Variants in ESRRB observed in about 807,000 individuals in gnomAD.
ESRRB encodes steroid hormone receptor ERR2.
Under a neutral mutation model 46.0 loss-of-function variants are expected in ESRRB, and 16 were observed. That is an observed-to-expected ratio of 0.35 (90% CI 0.24 to 0.53). ESRRB has a LOEUF of 0.53. Among genes scored for constraint, ESRRB ranks in the 20% least tolerant of loss-of-function variants. The pLI, the probability that ESRRB is intolerant of heterozygous loss-of-function variation, is 0.93. For missense variants in ESRRB, 488 were observed against 607.4 expected (o/e 0.80, Z 2.07); for synonymous variants, 246 against 259.6 (o/e 0.95, Z 0.50).
At chr14:76,340,229 G>T (rs762091134) in intron 1 of ESRRB, among the ~76,000 whole-genome samples, 1 of 152,206 alleles carries the variant, frequency 6.6e-6, no homozygotes, top group Non-Finnish European at 1.5e-5. Context: ...TGGGGATATG[G>T]CCTCAGATAA....
At chr14:76,462,483 C>A (rs764094068) in intron 2 of ESRRB, 62 bp from the exon 3 acceptor site, 1 of 1,260,732 alleles carries the variant, frequency 7.9e-7, no homozygotes. Flanking sequence ...GCCAGCCCTG[C>A]GCTGGCAGGT....
At chr14:76,399,973 C>A (rs185875838) in intron 1 of ESRRB, among the ~76,000 whole-genome samples, 2 of 152,156 alleles carry the variant, frequency 1.3e-5, no homozygotes, top group Non-Finnish European at 2.9e-5. Context: ...CTGATCCATG[C>A]GGAATAAATA....
chr14:76,441,728 G>A (rs1267212252), intron 2 of ESRRB, among the ~76,000 whole-genome samples: 2 of 152,216 alleles, frequency 1.3e-5, no homozygotes, highest in Non-Finnish European at 2.9e-5. Context: ...AGGTGCTGGT[G>A]ATAGGATAGA....
intron 1 of ESRRB, among the ~76,000 whole-genome samples, chr14:76,349,112 G>T (rs8015426): frequency 6.6e-6 from 1 of 152,074 alleles, no homozygotes; most frequent in African/African-American, 2.4e-5. Flanking sequence ...TGTGACCAGG[G>T]GGGTCACAGA....
chr14:76,452,626 A>AAAAAC (rs1555399040), intron 2 of ESRRB, among the ~76,000 whole-genome samples: 17 of 124,248 alleles, frequency 1.4e-4, no homozygotes, highest in South Asian at 4.5e-4. Context: ...TCTCCAAAAA[A>AAAAAC]AAAAACAAAA....
chr14:76,395,178 A>C (rs1885624166), intron 1 of ESRRB, among the ~76,000 whole-genome samples: 1 of 152,174 alleles, frequency 6.6e-6, no homozygotes, highest in Admixed American at 6.5e-5. Context: ...CATGTGCACT[A>C]TCTGGCTCAT....
intron 5 of ESRRB, among the ~76,000 whole-genome samples, chr14:76,484,733 G>C (rs186525015): frequency 6.6e-6 from 1 of 152,224 alleles, no homozygotes. Flanking sequence ...AACCAAGAGG[G>C]CATGGCTAGA....
At chr14:76,438,340 G>A (rs1411905285) in intron 1 of ESRRB, among the ~76,000 whole-genome samples, 1 of 152,160 alleles carries the variant, frequency 6.6e-6, no homozygotes, top group East Asian at 1.9e-4. Context: ...TAGTCTCTGG[G>A]CCAAAGCTGT....
rs1479310656 is a variant in ESRRB at position 76,482,550 on chromosome 14, C to T, written c.689-48C>T. On this transcript the variant is annotated intron_variant, in intron 4 of 6. Transcript: ENST00000644823. This position sits in a 1 kb window ranked among gnomAD's most constrained non-coding sequence, Gnocchi z 4.3. Reference sequence around the variant, plus strand: ...ACCCATCTGAGCCTCCACCCCGGCCCCTTTCCTCTTTTCCCAGCATTTACC... The same window carrying T: ...ACCCATCTGAGCCTCCACCCCGGCCTCTTTCCTCTTTTCCCAGCATTTACC... 4.0e-5 allele frequency: 65 copies of T among 1,611,256 alleles called. No homozygotes were observed. The highest frequency in any genetic ancestry group is 5.4e-5 in the Non-Finnish European group (64 of 1,177,670).
At chr14:76,333,098 A>T (rs1489559557) in intron 1 of ESRRB, among the ~76,000 whole-genome samples, 1 of 10,012 alleles carries the variant, frequency 1.0e-4, no homozygotes, top group Non-Finnish European at 1.7e-4. Flanking sequence ...ATTATATATT[A>T]TATATAATAT....
At chr14:76,363,565 G>T (rs576398618) in intron 1 of ESRRB, among the ~76,000 whole-genome samples, 1 of 152,102 alleles carries the variant, frequency 6.6e-6, no homozygotes, top group South Asian at 2.1e-4. Flanking sequence ...TCCATTCAGC[G>T]CTGAGAGCAC....
chr14:76,471,873 A>AT (rs1438440318), intron 3 of ESRRB, among the ~76,000 whole-genome samples: 2 of 152,230 alleles, frequency 1.3e-5, no homozygotes, highest in South Asian at 2.1e-4. Flanking sequence ...GGAGTGCATG[A>AT]TTGAAAGGCT....
intron 1 of ESRRB, among the ~76,000 whole-genome samples, chr14:76,415,845 A>G (rs1886675414): frequency 6.6e-6 from 1 of 152,112 alleles, no homozygotes; most frequent in East Asian, 1.9e-4. Flanking sequence ...CCCCACAGCA[A>G]CACTCTAAGT....
upstream of ESRRB, among the ~76,000 whole-genome samples, chr14:76,372,311 C>T (rs1180870779): frequency 1.3e-5 from 2 of 152,122 alleles, no homozygotes; most frequent in Non-Finnish European, 2.9e-5. Flanking sequence ...TATCTGCCAC[C>T]TGGAGCATTG....
Position 76,343,918 on chromosome 14 carries a change from C to A in ESRRB, c.2+33002C>A, listed in dbSNP as rs1312029933. On this transcript the variant is annotated intron_variant, in intron 1 of 6. Coordinates refer to the ESRRB transcript ENST00000512784. Reference sequence around the variant, plus strand: ...TAGATCAGAGACAAATCAGGCAAACCCTTGTAGGTAATGGTAAGACATTTT... The same window carrying A: ...TAGATCAGAGACAAATCAGGCAAACACTTGTAGGTAATGGTAAGACATTTT... Among the ~76,000 whole-genome samples the A allele has an allele frequency of 2.6e-5, 4 of 152,064 alleles. No homozygotes were observed. In the East Asian group the frequency reaches 7.7e-4, roughly 29 times the overall value.
intron 1 of ESRRB, among the ~76,000 whole-genome samples, chr14:76,317,589 TA>T (rs1256245334): frequency 6.6e-6 from 1 of 152,006 alleles, no homozygotes; most frequent in Non-Finnish European, 1.5e-5. Flanking sequence ...TATTTTGAAA[TA>T]AAAAGTTAAA....
intron 1 of ESRRB, among the ~76,000 whole-genome samples, chr14:76,436,331 A>G (rs8010081): frequency 0.066 from 10,049 of 152,266 alleles, 453 homozygotes; most frequent in East Asian, 0.22. Flanking sequence ...ATCAAGGCAC[A>G]GATCTGAAAC....
chr14:76,350,370 T>C (rs1315645334), intron 1 of ESRRB, among the ~76,000 whole-genome samples: 2 of 152,210 alleles, frequency 1.3e-5, no homozygotes, highest in African/African-American at 4.8e-5. Flanking sequence ...TCGAGAAGTT[T>C]GCTACCTTCC....
At chr14:76,478,333 C>G (rs1182130165) in intron 3 of ESRRB, among the ~76,000 whole-genome samples, 1 of 152,144 alleles carries the variant, frequency 6.6e-6, no homozygotes, top group African/African-American at 2.4e-5. Flanking sequence ...TCCTGAACAT[C>G]CATGAAAGGT....
Sources: gnomAD v4.1 joint callset for allele counts (sites outside exome capture counted in the v4.1 genomes callset) on GRCh38, gnomAD v4.1.1 for gene constraint, Gnocchi (gnomAD v3.1) non-coding constraint, MANE v1.5 for transcripts, NCBI Gene and HGNC (gene_info 2026-07-23, HGNC 2026-07-21) for gene names.